The following MED12L variants were observed in gnomAD, a reference collection of about 807,000 sequenced individuals.
MED12L encodes mediator complex subunit 12L.
MED12L carries 60 observed loss-of-function variants against 281.3 expected under a neutral mutation model. That is an observed-to-expected ratio of 0.21 (90% CI 0.17 to 0.26). The LOEUF (loss-of-function observed/expected upper bound fraction) is 0.26, where lower values mean the gene tolerates loss of function less well. Ranked by LOEUF, MED12L falls within the 10% of genes least tolerant of loss-of-function variation. The pLI is 1.00. For missense variants in MED12L, 2,146 were observed against 2,680.9 expected, an observed-to-expected ratio of 0.80 and a Z score of 4.41; for synonymous variants, 974 against 987.2, an observed-to-expected ratio of 0.99 and a Z score of 0.25.
intron 5 of MED12L, among the ~76,000 whole-genome samples, chr3:151,146,896 G>A (rs907731181): frequency 6.6e-6 from 1 of 152,136 alleles, no homozygotes; most frequent in Non-Finnish European, 1.5e-5. Flanking sequence ...CAGCAGTCTG[G>A]CCAGTGGTCT....
chr3:151,108,681 G>GAATC (rs1385205566), intron 2 of MED12L, among the ~76,000 whole-genome samples: 1 of 152,148 alleles, frequency 6.6e-6, no homozygotes, highest in Non-Finnish European at 1.5e-5. Context: ...CCAATTCATT[G>GAATC]AATCGTCATG....
At chr3:151,383,404 A>G (rs1199838930) in intron 33 of MED12L, among the ~76,000 whole-genome samples, 1 of 152,268 alleles carries the variant, frequency 6.6e-6, no homozygotes, top group Admixed American at 6.5e-5. Context: ...TAGTAATTGT[A>G]CAGCAAACAC....
At position 151,388,073 on chromosome 3, in the gene MED12L, G is replaced by C. The variant is rs778807772; in HGVS notation, c.5352G>C (p.Arg1784Ser). The C allele has an allele frequency of 1.2e-6, 2 of 1,614,002 alleles. No homozygotes were observed. The highest frequency in any genetic ancestry group is 1.7e-6 in the Non-Finnish European group (2 of 1,179,986). ...CTCCAGTTTCTCAGGAACCAGAAAG[G>C]AAGTCCGCTGAGCTGTCAGATCAGG... ...PTSPVSQEPE[R>S]KSAELSDQGK... Residue 1784 changes from arginine (R) to serine (S), a missense_variant, in exon 37 of 45, where the codon AGG becomes AGC. This residue lies in a region of MED12L where 496 missense variants were observed against 512.0 expected (regional missense o/e 0.97). Transcript: ENST00000687756.
intron 16 of MED12L, chr3:151,294,646 C>T (rs377231228): frequency 1.9e-6 from 3 of 1,614,142 alleles, no homozygotes; most frequent in Non-Finnish European, 1.7e-6. Context: ...GCCATTTGAC[C>T]CCCAAAGGAC....
chr3:151,218,866 CAAAAAAA>C (rs397686351), intron 16 of MED12L, among the ~76,000 whole-genome samples: 1 of 71,332 alleles, frequency 1.4e-5, no homozygotes, highest in East Asian at 4.2e-4. Flanking sequence ...GACTCAGTCT[CAAAAAAA>C]AAAAAAAAAA....
At chr3:151,288,128 C>T (rs937295234) in intron 16 of MED12L, among the ~76,000 whole-genome samples, 4 of 152,148 alleles carry the variant, frequency 2.6e-5, no homozygotes, top group Non-Finnish European at 5.9e-5. Flanking sequence ...GCATTACTGC[C>T]CCAGAGAGTA....
At chr3:151,334,474 T>C (rs1750737117) in intron 16 of MED12L, among the ~76,000 whole-genome samples, 1 of 151,740 alleles carries the variant, frequency 6.6e-6, no homozygotes, top group Non-Finnish European at 1.5e-5. Flanking sequence ...AAAGTACTGG[T>C]CCAGGGGGAA....
intron 16 of MED12L, among the ~76,000 whole-genome samples, chr3:151,291,150 GTT>G (rs59482240): frequency 0.14 from 17,342 of 127,436 alleles, 1,223 homozygotes; most frequent in Middle Eastern, 0.22. Flanking sequence ...CTTGTTTTCT[GTT>G]TTTTTTTTTT....
chr3:151,247,281 A>G (rs1381791723), intron 16 of MED12L, among the ~76,000 whole-genome samples: 1 of 152,130 alleles, frequency 6.6e-6, no homozygotes, highest in Non-Finnish European at 1.5e-5. Context: ...CCAAAGGATT[A>G]TAAATCATGC....
chr3:151,108,200 A>G (rs1053007445), intron 2 of MED12L, among the ~76,000 whole-genome samples: 3 of 129,016 alleles, frequency 2.3e-5, no homozygotes, highest in Admixed American at 9.2e-5. Flanking sequence ...CAGTAGCCGA[A>G]TCCTGCTGTA....
chr3:151,391,504 T>C (rs1714224495), intron 38 of MED12L, among the ~76,000 whole-genome samples: 1 of 152,206 alleles, frequency 6.6e-6, no homozygotes, highest in Non-Finnish European at 1.5e-5. Flanking sequence ...ACATCCAATC[T>C]TTTGGCTTCC....
At chr3:151,184,352 C>T (rs184087646) in intron 11 of MED12L, among the ~76,000 whole-genome samples, 33 of 152,292 alleles carry the variant, frequency 2.2e-4, no homozygotes, top group Non-Finnish European at 3.7e-4. Context: ...TCTTCCATGG[C>T]GTGTGCTCAT....
chr3:151,299,356 C>CTTTCTTTTCTTTTTTCTTTTCTTTTCT (rs1553772491), intron 16 of MED12L, among the ~76,000 whole-genome samples: 1 of 94,352 alleles, frequency 1.1e-5, no homozygotes, highest in Non-Finnish European at 2.1e-5. Flanking sequence ...TTCCTTCCTT[C>CTTTCTTTTCTTTTTTCTTTTCTTTTCT]TTTCTTTTCT....
rs747247249 is a variant in MED12L at position 151,430,369 on chromosome 3, A to G, written c.6479A>G (p.Lys2160Arg). The G allele has an allele frequency of 8.7e-6, 14 of 1,614,014 alleles. No individual in the cohort carries two copies. Among genetic ancestry groups the G allele is most frequent in the South Asian group, 2.2e-5 (2 of 91,086 alleles). ...QTAALVRQLQ[K>R]QLSSNQPQQG... ...GCCGCCTTGGTGCGGCAGCTCCAGA[A>G]GCAGCTTTCCAGTAAGTACCCCTGT... is the stretch of plus-strand genomic sequence containing the variant. Residue 2160 changes from lysine (K) to arginine (R), a missense_variant, in exon 44 of 45, where the codon AAG becomes AGG. This residue lies in a region of MED12L where 25 missense variants were observed against 24.9 expected (regional missense o/e 1.00). Transcript: ENST00000687756.
chr3:151,233,783 C>T (rs1249471897), intron 16 of MED12L, among the ~76,000 whole-genome samples: 1 of 152,200 alleles, frequency 6.6e-6, no homozygotes, highest in Non-Finnish European at 1.5e-5. Context: ...GAGAGTCCCA[C>T]AGGCATTCTT....
In MED12L at chr3:151,230,755, C is replaced by T. The variant is rs1008982153; in HGVS notation, c.2250+37089C>T. The stretch of plus-strand genomic sequence containing the variant: ...AAATCTGTATGTCTGTAAGTCATGA[C>T]ACCCCAATAGCTGTAAACTTGCTCA... On this transcript the variant is annotated intron_variant, in intron 16 of 44. Transcript: ENST00000687756. Among the ~76,000 whole-genome samples the T allele has an allele frequency of 1.6e-4, 24 of 152,270 alleles. 1 individual carries two copies. The highest frequency in any genetic ancestry group is 5.8e-4 in the African/African-American group (24 of 41,560).
intron 16 of MED12L, among the ~76,000 whole-genome samples, chr3:151,239,478 C>A (rs934741688): frequency 6.6e-6 from 1 of 152,176 alleles, no homozygotes; most frequent in Admixed American, 6.5e-5. Flanking sequence ...ACTGTCTTCT[C>A]TAGGCCAGAT....
intron 5 of MED12L, among the ~76,000 whole-genome samples, chr3:151,133,939 C>T (rs758802241): frequency 2.0e-5 from 3 of 152,164 alleles, no homozygotes; most frequent in Non-Finnish European, 4.4e-5. Flanking sequence ...TAGGAATTTT[C>T]CCCATGAGGA....
At chr3:151,125,282 T>G (rs1415058137) in intron 4 of MED12L, among the ~76,000 whole-genome samples, 1 of 152,218 alleles carries the variant, frequency 6.6e-6, no homozygotes, top group African/African-American at 2.4e-5. Flanking sequence ...ATTGAGTAAC[T>G]TCTTTCACAT....
Sources: allele counts gnomAD v4.1 joint callset (sites outside exome capture counted in the v4.1 genomes callset), GRCh38; gene constraint gnomAD v4.1.1; regional missense constraint gnomAD v4.1.1; transcripts MANE v1.5; gene names NCBI Gene and HGNC (gene_info 2026-07-23, HGNC 2026-07-21).